The following KCNQ3 variants were observed in gnomAD, a reference collection of about 807,000 sequenced individuals.
KCNQ3 encodes potassium voltage-gated channel subfamily KQT member 3.
KCNQ3 carries 30 observed loss-of-function variants against 92.5 expected under a neutral mutation model. That is an observed-to-expected ratio of 0.32 (90% CI 0.24 to 0.44). The LOEUF (loss-of-function observed/expected upper bound fraction) is 0.44. Ranked by LOEUF, KCNQ3 falls within the 20% of genes least tolerant of loss-of-function variation. KCNQ3 has a pLI of 1.00. For synonymous variants in KCNQ3, 450 were observed against 468.8 expected (o/e 0.96, Z 0.52); for missense variants, 913 against 1,140.3 (o/e 0.80, Z 2.87).
In KCNQ3 at chr8:132,466,969, T is replaced by C. The variant is rs182058195; in HGVS notation, c.386+13178A>G. Among the ~76,000 whole-genome samples, 156 of 152,324 alleles carry C rather than the reference T, an allele frequency of 1.0e-3. 1 individual carries two copies. Among genetic ancestry groups the C allele is most frequent in the African/African-American group, 3.7e-3 (153 of 41,574 alleles). On this transcript the variant is annotated intron_variant, in intron 1 of 14. Transcript: ENST00000388996. The stretch of plus-strand genomic sequence containing the variant: ...ACGTGCCCTGAGCCCCCTGGCTCAG[T>C]GTCGGCTTCTGGTGAAACACAAACC...
chr8:132,417,979 C>T (rs1041240297), intron 1 of KCNQ3, among the ~76,000 whole-genome samples: 6 of 152,122 alleles, frequency 3.9e-5, no homozygotes, highest in African/African-American at 1.2e-4. Context: ...GGTGCAAAAG[C>T]ACTCCTGGCT....
At chr8:132,303,510 T>C (rs2130589602) in intron 1 of KCNQ3, among the ~76,000 whole-genome samples, 1 of 137,166 alleles carries the variant, frequency 7.3e-6, no homozygotes, top group South Asian at 2.5e-4. Context: ...GCCAAGAGGC[T>C]GAGAAGAAGG....
At chr8:132,332,323 CTT>C (rs1189365102) in intron 1 of KCNQ3, among the ~76,000 whole-genome samples, 1 of 152,152 alleles carries the variant, frequency 6.6e-6, no homozygotes, top group Non-Finnish European at 1.5e-5. Flanking sequence ...ACATAAGAGA[CTT>C]TGAGCCAGAG....
intron 1 of KCNQ3, among the ~76,000 whole-genome samples, chr8:132,199,988 GT>G (rs1194246899): frequency 6.6e-6 from 1 of 151,328 alleles, no homozygotes; most frequent in Non-Finnish European, 1.5e-5. Flanking sequence ...TCAAATGCTA[GT>G]TTTTTACCTT....
chr8:132,403,016 C>CAAAAA (rs375099145), intron 1 of KCNQ3, among the ~76,000 whole-genome samples: 16,121 of 67,524 alleles, frequency 0.24, 3,523 homozygotes, highest in Non-Finnish European at 0.27. Flanking sequence ...GGCACCATCA[C>CAAAAA]AAAAAAAAAA....
chr8:132,371,302 G>T (rs16904676), intron 1 of KCNQ3, among the ~76,000 whole-genome samples: 44,599 of 152,076 alleles, frequency 0.29, 7,951 homozygotes, highest in African/African-American at 0.51. Context: ...TTGGGCCTAT[G>T]TCTTCCTCTG....
At chr8:132,475,946 C>G (rs763424851) in intron 1 of KCNQ3, among the ~76,000 whole-genome samples, 1 of 152,228 alleles carries the variant, frequency 6.6e-6, no homozygotes, top group African/African-American at 2.4e-5. Flanking sequence ...CTGGGCCAGG[C>G]CCAGGGCCCC....
rs747603148 is a variant in KCNQ3, at chr8:132,127,408, T to G, written c.*1854A>C. On this transcript the variant is annotated 3_prime_UTR_variant, in exon 15 of 15. Transcript: ENST00000388996. Reference sequence around the variant, plus strand: ...TCAGGGGTCAAGCTCTAATCATTACTGTATTCTGAGCTTTTTGTACAGTAA... The same window carrying G: ...TCAGGGGTCAAGCTCTAATCATTACGGTATTCTGAGCTTTTTGTACAGTAA... 1 of 152,232 alleles carries G rather than the reference T, an allele frequency of 6.6e-6. No homozygotes were observed. The highest frequency in any genetic ancestry group is 1.5e-5 in the Non-Finnish European group (1 of 68,040). The allele number at this position is 152,232 out of a possible 1,614,324, so 9.4% of individuals were successfully genotyped here. A position where few individuals can be genotyped will look rare whatever the true frequency, so the allele number is the denominator to read the frequency against.
chr8:132,455,842 C>T (rs950121171), intron 1 of KCNQ3, among the ~76,000 whole-genome samples: 1 of 152,022 alleles, frequency 6.6e-6, no homozygotes, highest in Non-Finnish European at 1.5e-5. Context: ...CCCGAGTTCA[C>T]GCCATTCTCC....
intron 1 of KCNQ3, among the ~76,000 whole-genome samples, chr8:132,228,499 C>G (rs2130363493): frequency 6.6e-6 from 1 of 152,254 alleles, no homozygotes; most frequent in South Asian, 2.1e-4. Flanking sequence ...TTGGTACCTA[C>G]TTCAGAGAAT....
At chr8:132,207,973 A>T (rs529774724) in intron 1 of KCNQ3, among the ~76,000 whole-genome samples, 22 of 151,316 alleles carry the variant, frequency 1.5e-4, no homozygotes, top group Non-Finnish European at 2.9e-4. Context: ...TTAGCATGGC[A>T]GAGACAGCTT....
At chr8:132,256,892 G>A (rs948732997) in intron 1 of KCNQ3, among the ~76,000 whole-genome samples, 2 of 152,132 alleles carry the variant, frequency 1.3e-5, no homozygotes, top group Admixed American at 1.3e-4. Context: ...GAAAGGAAAG[G>A]AAATTAGACA....
chr8:132,253,136 G>T (rs1815470915), intron 1 of KCNQ3, among the ~76,000 whole-genome samples: 1 of 152,128 alleles, frequency 6.6e-6, no homozygotes, highest in South Asian at 2.1e-4. Context: ...TTTATGGAAG[G>T]TTTCTGTGTG....
chr8:132,306,853 A>AT (rs905406553), intron 1 of KCNQ3, among the ~76,000 whole-genome samples: 1 of 152,168 alleles, frequency 6.6e-6, no homozygotes, highest in African/African-American at 2.4e-5. Context: ...TCTTGACAGC[A>AT]TTTTTTTATA....
intron 1 of KCNQ3, among the ~76,000 whole-genome samples, chr8:132,219,601 T>C (rs1814152198): frequency 6.6e-6 from 1 of 152,112 alleles, no homozygotes; most frequent in Admixed American, 6.6e-5. Context: ...AAAAATGGTC[T>C]TTGCACCTGC....
At chr8:132,371,898 T>G (rs1406332915) in intron 1 of KCNQ3, among the ~76,000 whole-genome samples, 1 of 152,210 alleles carries the variant, frequency 6.6e-6, no homozygotes, top group Non-Finnish European at 1.5e-5. Context: ...GCACCCTTCC[T>G]TAGGCTGCGG....
intron 1 of KCNQ3, 78 bp from the exon 2 acceptor site, chr8:132,186,259 T>C (rs1168190253): frequency 9.7e-7 from 1 of 1,026,356 alleles, no homozygotes. Context: ...GAAAGGTGTC[T>C]TCCAGGATGA....
chr8:132,447,901 C>A (rs1347244060), intron 1 of KCNQ3, among the ~76,000 whole-genome samples: 8 of 152,170 alleles, frequency 5.3e-5, no homozygotes, highest in African/African-American at 1.9e-4. Context: ...CTGGGCATCA[C>A]CCCCAGCGAC....
At chr8:132,202,752 C>T (rs73356973) in intron 1 of KCNQ3, among the ~76,000 whole-genome samples, 3,228 of 152,268 alleles carry the variant, frequency 0.021, 123 homozygotes, top group African/African-American at 0.074. Context: ...ATTACAATCT[C>T]GGCTCACTGC....
Sources: gnomAD v4.1 joint callset for allele counts (sites outside exome capture counted in the v4.1 genomes callset) on GRCh38, gnomAD v4.1.1 for gene constraint, MANE v1.5 for transcripts, NCBI Gene and HGNC (gene_info 2026-07-23, HGNC 2026-07-21) for gene names.